The following DENND2D variants were observed in gnomAD, a reference collection of about 807,000 sequenced individuals.
The protein encoded by DENND2D is DENN domain containing 2D.
Under a neutral mutation model 59.8 loss-of-function variants are expected in DENND2D, and 37 were observed. The observed-to-expected ratio is 0.62, with a 90% CI of 0.48 to 0.81. The LOEUF (loss-of-function observed/expected upper bound fraction) is 0.81. Among genes scored for constraint, DENND2D ranks in the 40% least tolerant of loss-of-function variants. The pLI, the probability that DENND2D is intolerant of heterozygous loss-of-function variation, is 0.00. For missense variants in DENND2D, 525 were observed against 579.7 expected (o/e 0.91, Z 0.97); for synonymous variants, 219 against 211.3 (o/e 1.04, Z -0.31).
rs1657394446 is a variant in DENND2D at position 111,188,185 on chromosome 1, G to A, written c.1285C>T (p.Gln429Ter). 1 of 1,614,092 alleles carries A rather than the reference G, an allele frequency of 6.2e-7. No homozygotes were observed. The highest frequency in any genetic ancestry group is 8.5e-7 in the Non-Finnish European group (1 of 1,180,042). Residue 429 changes from glutamine (Q) to a stop codon, truncating the protein, a stop_gained, in exon 11 of 12, where the codon CAG (glutamine) becomes TAG (stop). Coordinates refer to ENST00000357640, the MANE Select transcript of DENND2D (RefSeq NM_024901.5). LOFTEE classifies it high-confidence loss of function. ...TCCTGGATGAAAAGTGAGAAGAGCT[G>A]TGTCTTCACAAACTTCTTCACAAAT... ...RRFVKKFVKTQLFSLFIQEAE... is the reference protein window; with the variant it reads ...RRFVKKFVKT
chr1:111,200,863 C>T, upstream of DENND2D: 1 of 380,584 alleles, frequency 2.6e-6, no homozygotes, highest in Non-Finnish European at 4.2e-6. Context: ...TAATTTACAA[C>T]CTTAGAACAG....
chr1:111,188,862 A>G, intron 9 of DENND2D, 76 bp from the exon 10 acceptor site: 1 of 1,313,416 alleles, frequency 7.6e-7, no homozygotes, highest in Non-Finnish European at 1.1e-6. Flanking sequence ...AAGCATAAGG[A>G]GGGCATGAAT....
chr1:111,190,142 C>G (rs1406831406), intron 8 of DENND2D, among the ~76,000 whole-genome samples: 16 of 130,602 alleles, frequency 1.2e-4, no homozygotes, highest in Admixed American at 1.8e-4. Context: ...CCAGCCTGGG[C>G]GACACAGCGA....
chr1:111,193,859 C>T (rs1657983762), intron 7 of DENND2D, among the ~76,000 whole-genome samples: 1 of 152,220 alleles, frequency 6.6e-6, no homozygotes. Flanking sequence ...TACCCTGCTT[C>T]CACTATACAC....
intron 7 of DENND2D, 43 bp from the exon 8 acceptor site, chr1:111,192,360 C>G (rs1294950668): frequency 1.5e-5 from 22 of 1,512,898 alleles, no homozygotes; most frequent in Non-Finnish European, 1.8e-5. Context: ...GGCCCCTGCA[C>G]CACCATGCTA....
At chr1:111,201,010 A>C (rs1394195213), upstream of DENND2D, 1 of 159,328 alleles carries the variant, frequency 6.3e-6, no homozygotes, top group Non-Finnish European at 1.4e-5. Context: ...AACCCCAGCA[A>C]GGCCACCTGC....
intron 1 of DENND2D, 62 bp downstream of exon 1, chr1:111,200,331 A>G: frequency 1.3e-6 from 2 of 1,570,950 alleles, no homozygotes; most frequent in South Asian, 1.2e-5. Context: ...ATTTCAAGGA[A>G]GAAACAGTCC....
chr1:111,196,099 C>T, intron 5 of DENND2D, 43 bp from the exon 6 acceptor site: 2 of 1,559,096 alleles, frequency 1.3e-6, no homozygotes, highest in Non-Finnish European at 8.7e-7. Flanking sequence ...CAAAGGGACA[C>T]TACCAGGCAG....
chr1:111,189,427 G>A, intron 8 of DENND2D, 174 bp from the exon 9 acceptor site: 1 of 659,992 alleles, frequency 1.5e-6, no homozygotes, highest in Non-Finnish European at 2.6e-6. Context: ...TTCCCCTCTG[G>A]AGATCTCAGT....
chr1:111,188,643 G>T, intron 10 of DENND2D, 59 bp downstream of exon 10: 1 of 1,464,652 alleles, frequency 6.8e-7, no homozygotes, highest in South Asian at 1.1e-5. Flanking sequence ...GGAAGGGAAT[G>T]ATTGAGAAGC....
intron 9 of DENND2D, 106 bp from the exon 10 acceptor site, chr1:111,188,892 C>A: frequency 2.1e-6 from 2 of 935,954 alleles, no homozygotes; most frequent in Non-Finnish European, 3.4e-6. Context: ...CCACTCCACC[C>A]GCAAATAGCC....
At chr1:111,195,546 G>A (rs972341147) in intron 6 of DENND2D, 7 of 235,760 alleles carry the variant, frequency 3.0e-5, no homozygotes, top group African/African-American at 1.6e-4. Context: ...ATAAGAAATG[G>A]ACAGATGGAC....
In DENND2D at chr1:111,195,977, G is replaced by C. The variant is rs774879110; in HGVS notation, c.584C>G (p.Ala195Gly). Reference protein sequence around the residue: ...YPFMQGLREAAFPAPGKTVTL... With the variant: ...YPFMQGLREAGFPAPGKTVTL... ...GACAGTCTTCCCAGGAGCAGGGAAG[G>C]CTGCCTCTCGGAGGCCCTGCATGAA... The change falls in exon 6 of 12, where the codon GCC (alanine) becomes GGC (glycine). Residue 195 changes from alanine (A) to glycine (G), a missense_variant. This residue lies in a region of DENND2D where 253 missense variants were observed against 246.4 expected (regional missense o/e 1.03). Coordinates refer to ENST00000357640, the MANE Select transcript of DENND2D (RefSeq NM_024901.5). 6.2e-7 allele frequency: 1 copy of C among 1,614,064 alleles called. No homozygotes were observed. Among genetic ancestry groups the C allele is most frequent in the Non-Finnish European group, 8.5e-7 (1 of 1,180,012 alleles).
At chr1:111,203,165 G>A (rs1404033940), upstream of DENND2D, among the ~76,000 whole-genome samples, 2 of 152,218 alleles carry the variant, frequency 1.3e-5, no homozygotes, top group African/African-American at 4.8e-5. Context: ...GCCAGATATT[G>A]GAGATCTGTG....
At chr1:111,202,896 C>A (rs1023121237), upstream of DENND2D, among the ~76,000 whole-genome samples, 1 of 142,324 alleles carries the variant, frequency 7.0e-6, no homozygotes, top group Non-Finnish European at 1.5e-5. Context: ...CTCCTCCAGG[C>A]ACAATCAGGA....
At chr1:111,203,939 T>C (rs1659054326), upstream of DENND2D, among the ~76,000 whole-genome samples, 2 of 152,122 alleles carry the variant, frequency 1.3e-5, no homozygotes, top group Admixed American at 1.3e-4. Flanking sequence ...GCTGAGGCAG[T>C]GCCTCTGGGA....
At chr1:111,197,869 T>A (rs1011111212) in intron 4 of DENND2D, 51 bp downstream of exon 4, 1 of 1,611,410 alleles carries the variant, frequency 6.2e-7, no homozygotes, top group Non-Finnish European at 8.5e-7. Context: ...AGCCCAGCCG[T>A]GGAGCTGAGC....
In DENND2D at chr1:111,198,618, C is replaced by T; in HGVS notation, c.356+12G>A. On this transcript the variant is annotated intron_variant, in intron 3 of 11. Transcript: ENST00000357640. ...CCAAATCCAATACCCTTGCCCAGGG[C>T]TGAGCAATTACCTGGGATACTCGGT... is the stretch of plus-strand genomic sequence containing the variant. 1 of 1,612,992 alleles carries T rather than the reference C, an allele frequency of 6.2e-7. No individual in the cohort carries two copies. The highest frequency in any genetic ancestry group is 8.5e-7 in the Non-Finnish European group (1 of 1,179,052).
chr1:111,192,014 G>T lies in DENND2D; in HGVS notation c.972+126C>A. On this transcript the variant is annotated intron_variant, in intron 8 of 11. Coordinates refer to ENST00000357640, the MANE Select transcript of DENND2D (RefSeq NM_024901.5). The stretch of plus-strand genomic sequence containing the variant: ...ACACTGTTATCCCCATTTTAGAGAT[G>T]AGAAAGCTCAGGCTTAAAGAGGTAA... 4.4e-6 allele frequency: 4 copies of T among 915,604 alleles called. No individual in the cohort carries two copies. The South Asian group carries it at 8.0e-5, about 18-fold the overall frequency. 56.7% of individuals were successfully genotyped at this position (915,604 alleles called of 1,614,324 possible).
Sources: allele counts gnomAD v4.1 joint callset (sites outside exome capture counted in the v4.1 genomes callset), GRCh38; gene constraint gnomAD v4.1.1; regional missense constraint gnomAD v4.1.1; transcripts MANE v1.5; gene names NCBI Gene and HGNC (gene_info 2026-07-23, HGNC 2026-07-21).